The following METTL25 variants were observed in gnomAD, a reference collection of about 807,000 sequenced individuals.
METTL25 encodes methyltransferase like 25, also known as probable methyltransferase-like protein 25.
Under a neutral mutation model 71.6 loss-of-function variants are expected in METTL25, and 64 were observed. The ratio of observed to expected loss-of-function variants is 0.89; its 90% CI spans 0.73 to 1.10. The LOEUF (loss-of-function observed/expected upper bound fraction) is 1.10. Among genes scored for constraint, METTL25 ranks in the 50% least tolerant of loss-of-function variants. The probability of loss-of-function intolerance (pLI) is 0.00; values close to 1 mark genes in which losing one functional copy is unlikely to be tolerated. For synonymous variants in METTL25, 287 were observed against 250.3 expected, an observed-to-expected ratio of 1.15 and a Z score of -1.38; for missense variants, 807 against 707.0, an observed-to-expected ratio of 1.14 and a Z score of -1.60.
chr12:82,475,420 G>T (rs1039293865), intron 9 of METTL25, among the ~76,000 whole-genome samples: 19 of 151,840 alleles, frequency 1.3e-4, no homozygotes, highest in African/African-American at 4.6e-4. Flanking sequence ...TTTCTGGAAG[G>T]CTTCACAAGA....
intron 9 of METTL25, among the ~76,000 whole-genome samples, chr12:82,468,192 A>G (rs545530113): frequency 2.3e-4 from 35 of 152,144 alleles, no homozygotes; most frequent in Non-Finnish European, 4.4e-4. Context: ...CCAGTCCACT[A>G]ATAATCTCCC....
chr12:82,372,549 G>C (rs1883350633), intron 1 of METTL25, among the ~76,000 whole-genome samples: 1 of 152,294 alleles, frequency 6.6e-6, no homozygotes. Flanking sequence ...CCCTTTTACA[G>C]AAAAGGTCAA....
At chr12:82,400,487 A>T (rs903436318) in intron 4 of METTL25, among the ~76,000 whole-genome samples, 12 of 152,080 alleles carry the variant, frequency 7.9e-5, no homozygotes, top group Non-Finnish European at 1.6e-4. Context: ...GATTTAAGGG[A>T]ATCTAGTGTA....
At chr12:82,373,490 A>G (rs1194176917) in intron 1 of METTL25, among the ~76,000 whole-genome samples, 1 of 152,214 alleles carries the variant, frequency 6.6e-6, no homozygotes, top group Non-Finnish European at 1.5e-5. Context: ...AGGAGAAACT[A>G]GAAAAGCATC....
chr12:82,380,619 C>T (rs535233042), intron 1 of METTL25, among the ~76,000 whole-genome samples: 1 of 152,204 alleles, frequency 6.6e-6, no homozygotes, highest in Non-Finnish European at 1.5e-5. Flanking sequence ...TTGCTCATGG[C>T]CACAGGGATA....
intron 4 of METTL25, among the ~76,000 whole-genome samples, chr12:82,401,729 G>A (rs1355180448): frequency 6.6e-6 from 1 of 151,910 alleles, no homozygotes; most frequent in African/African-American, 2.4e-5. Flanking sequence ...TAGTTGATGA[G>A]TAATACTTTA....
In METTL25 at chr12:82,399,007, GC is replaced by G; in HGVS notation, c.745del (p.Gln249LysfsTer37). 1.9e-6 allele frequency: 3 copies of G among 1,608,908 alleles called. No homozygotes were observed. Among genetic ancestry groups the G allele is most frequent in the Middle Eastern group, 1.7e-4 (1 of 6,032 alleles). ...TAAAAATGGCAAAAGAAAGGAAAGT[GC>G]AAAATAAAGTTAAAAATAAAGCTGA... ...ALKMAKERKV[Q>X]NKVKNKADTE... is the part of the protein sequence containing the mutation. On this transcript the variant is annotated frameshift_variant, in exon 4 of 12. Coordinates refer to ENST00000248306, the MANE Select transcript of METTL25 (RefSeq NM_032230.3). LOFTEE classifies it high-confidence loss of function.
At chr12:82,438,574 C>G (rs1890093614) in intron 7 of METTL25, 144 bp from the exon 8 acceptor site, 2 of 381,954 alleles carry the variant, frequency 5.2e-6, no homozygotes, top group Non-Finnish European at 9.2e-6. Flanking sequence ...AACACTTTCG[C>G]TCGTAATGGA....
intron 8 of METTL25, among the ~76,000 whole-genome samples, chr12:82,443,318 A>G (rs1410089421): frequency 6.6e-6 from 1 of 152,014 alleles, no homozygotes; most frequent in African/African-American, 2.4e-5. Flanking sequence ...GAAGCAGAAT[A>G]CCCCTAAAGG....
At chr12:82,367,273 A>G (rs1289401089) in intron 1 of METTL25, among the ~76,000 whole-genome samples, 1 of 152,118 alleles carries the variant, frequency 6.6e-6, no homozygotes, top group Non-Finnish European at 1.5e-5. Context: ...TGGATTTTTA[A>G]AATTTTATAT....
At chr12:82,362,119 G>A (rs1162441584) in intron 1 of METTL25, among the ~76,000 whole-genome samples, 3 of 152,180 alleles carry the variant, frequency 2.0e-5, no homozygotes, top group Admixed American at 1.3e-4. Context: ...TCCTCAGTGT[G>A]TCCATTTCAG....
chr12:82,378,126 T>G (rs1311994650), intron 1 of METTL25, among the ~76,000 whole-genome samples: 1 of 152,198 alleles, frequency 6.6e-6, no homozygotes, highest in African/African-American at 2.4e-5. Context: ...GAGTAAACAC[T>G]GCATTTCAGG....
At position 82,386,937 on chromosome 12, in the gene METTL25, G is replaced by A; in HGVS notation, c.394G>A (p.Ala132Thr). The A allele has an allele frequency of 6.2e-7, 1 of 1,612,954 alleles. No homozygotes were observed. The highest frequency in any genetic ancestry group is 1.3e-5 in the African/African-American group (1 of 74,964). Residue 132 changes from alanine (A) to threonine (T), a missense_variant, in exon 2 of 12, where the codon GCC becomes ACC. Physicochemically the swap from Ala to Thr is moderately conservative, Grantham distance 58. Transcript: ENST00000248306. ...TACTCCTTTTGAACAGTTGCTTGTA[G>A]CCCTTCGAGGAAATCAAAACCAGAG... is the stretch of plus-strand genomic sequence containing the variant. ...ICTPFEQLLV[A>T]LRGNQNQRIG...
chr12:82,461,935 A>ATGATTGT (rs1206230652), intron 9 of METTL25, among the ~76,000 whole-genome samples: 1 of 152,056 alleles, frequency 6.6e-6, no homozygotes, highest in Non-Finnish European at 1.5e-5. Context: ...ATTGTCTCCC[A>ATGATTGT]CTCTAGTTTC....
chr12:82,466,257 G>T lies in METTL25; in HGVS notation c.1572+9437G>T, dbSNP rs1287887056. Reference sequence around the variant, plus strand: ...AAACTTACCCCTTAATACTGCTTTTGGTGTCTTCAATAGGTTTTGGTATGT... The same window carrying T: ...AAACTTACCCCTTAATACTGCTTTTTGTGTCTTCAATAGGTTTTGGTATGT... On this transcript the variant is annotated intron_variant, in intron 9 of 11. Coordinates refer to ENST00000248306, the MANE Select transcript of METTL25 (RefSeq NM_032230.3). Among the ~76,000 whole-genome samples the T allele has an allele frequency of 2.0e-5, 3 of 150,022 alleles. No homozygotes were observed. In the East Asian group the frequency reaches 5.9e-4, roughly 29 times the overall value.
intron 5 of METTL25, among the ~76,000 whole-genome samples, chr12:82,408,749 A>G (rs2137050283): frequency 6.6e-6 from 1 of 152,276 alleles, no homozygotes; most frequent in South Asian, 2.1e-4. Flanking sequence ...CTAGTATTCC[A>G]TACTAAAATA....
intron 1 of METTL25, among the ~76,000 whole-genome samples, chr12:82,383,409 AG>A (rs1884644828): frequency 6.6e-6 from 1 of 152,074 alleles, no homozygotes; most frequent in African/African-American, 2.4e-5. Flanking sequence ...ATTAAGACCA[AG>A]GTCTTAATTC....
At chr12:82,412,407 C>T (rs1034735882) in intron 5 of METTL25, among the ~76,000 whole-genome samples, 3 of 152,010 alleles carry the variant, frequency 2.0e-5, no homozygotes, top group Admixed American at 1.3e-4. Flanking sequence ...AATAAAAACC[C>T]TAATGTGTAG....
At chr12:82,478,764 T>C (rs1242854929) in intron 11 of METTL25, among the ~76,000 whole-genome samples, 168 bp from the exon 12 acceptor site, 1 of 151,972 alleles carries the variant, frequency 6.6e-6, no homozygotes, top group East Asian at 1.9e-4. Context: ...CATAAACTTT[T>C]TTGAAGGTGT....
Sources: allele counts gnomAD v4.1 joint callset (sites outside exome capture counted in the v4.1 genomes callset), GRCh38; gene constraint gnomAD v4.1.1; transcripts MANE v1.5; gene names NCBI Gene and HGNC (gene_info 2026-07-23, HGNC 2026-07-21).